The following EPB41 variants were observed in gnomAD, a reference collection of about 807,000 sequenced individuals.
EPB41 encodes the protein erythrocyte membrane protein band 4.1, also known as protein 4.1.
Under a neutral mutation model 108.0 loss-of-function variants are expected in EPB41, and 65 were observed. The observed-to-expected ratio is 0.60, with a 90% CI of 0.49 to 0.74. The LOEUF is 0.74. Ranked by LOEUF, EPB41 falls within the 30% of genes least tolerant of loss-of-function variation. EPB41 has a pLI of 0.00. For missense variants in EPB41, 875 were observed against 1,037.0 expected, an observed-to-expected ratio of 0.84 and a Z score of 2.15; for synonymous variants, 336 against 358.9, an observed-to-expected ratio of 0.94 and a Z score of 0.72.
At chr1:28,959,335 G>A (rs1459000839) in intron 1 of EPB41, among the ~76,000 whole-genome samples, 1 of 148,770 alleles carries the variant, frequency 6.7e-6, no homozygotes, top group Non-Finnish European at 1.5e-5. Flanking sequence ...TCCTGCCTCA[G>A]CCTCCAAAGT....
At chr1:28,935,417 C>A (rs1232180553) in intron 1 of EPB41, among the ~76,000 whole-genome samples, 3 of 88,906 alleles carry the variant, frequency 3.4e-5, no homozygotes, top group Non-Finnish European at 6.8e-5. Context: ...GCCTGGGAGA[C>A]AGAGCAACAT....
At chr1:28,925,726 G>T (rs1419455822) in intron 1 of EPB41, among the ~76,000 whole-genome samples, 2 of 152,156 alleles carry the variant, frequency 1.3e-5, no homozygotes, top group Non-Finnish European at 2.9e-5. Flanking sequence ...AAATGATCTA[G>T]GGAAAAGTAG....
In EPB41 at chr1:29,033,123, G is replaced by T; in HGVS notation, c.1243G>T (p.Val415Phe). 2 of 1,613,928 alleles carry T rather than the reference G, an allele frequency of 1.2e-6. No individual in the cohort carries two copies. The highest frequency in any genetic ancestry group is 1.7e-6 in the Non-Finnish European group (2 of 1,179,904). The change falls in exon 9 of 21, where the codon GTC (valine) becomes TTC (phenylalanine). Residue 415 changes from valine to phenylalanine, a missense_variant. Coordinates refer to ENST00000343067, the MANE Select transcript of EPB41 (RefSeq NM_001376013.1). ...GGAAGGAGTAGATATCATCCTAGGT[G>T]TCTGCTCTAGTGGCCTTCTGGTTTA... ...DLEGVDIILG[V>F]CSSGLLVYKD...
intron 3 of EPB41, among the ~76,000 whole-genome samples, 186 bp downstream of exon 3, chr1:28,993,728 C>T (rs910442561): frequency 1.5e-4 from 22 of 145,004 alleles, no homozygotes; most frequent in African/African-American, 5.7e-4. Flanking sequence ...ATGATCTTGG[C>T]TCACTGTAGC....
chr1:29,027,523 G>T (rs1392475797), intron 7 of EPB41, among the ~76,000 whole-genome samples: 2 of 151,892 alleles, frequency 1.3e-5, no homozygotes, highest in Non-Finnish European at 2.9e-5. Flanking sequence ...TAGAGATGGG[G>T]TTTCTCCATG....
chr1:28,903,326 C>CTTT (rs1288999444), intron 1 of EPB41, among the ~76,000 whole-genome samples: 1 of 137,058 alleles, frequency 7.3e-6, no homozygotes, highest in Non-Finnish European at 1.6e-5. Flanking sequence ...TCTTTTCTTT[C>CTTT]TTTTTTTTTT....
intron 11 of EPB41, among the ~76,000 whole-genome samples, chr1:29,045,807 TA>T (rs201526339): frequency 0.36 from 37,284 of 103,758 alleles, 6,897 homozygotes; most frequent in African/African-American, 0.58. Context: ...ACCCTGTCTC[TA>T]AAAAAAAAAA....
intron 11 of EPB41, 37 bp downstream of exon 11, chr1:29,039,463 A>C: frequency 6.2e-7 from 1 of 1,610,910 alleles, no homozygotes; most frequent in Non-Finnish European, 8.5e-7. Flanking sequence ...TGTGATCATA[A>C]TTCATTTGGA....
At chr1:28,902,743 A>G (rs2091430674) in intron 1 of EPB41, among the ~76,000 whole-genome samples, 1 of 152,048 alleles carries the variant, frequency 6.6e-6, no homozygotes, top group Non-Finnish European at 1.5e-5. Context: ...GATGCTCAAG[A>G]TTATAAGTGG....
chr1:28,952,796 T>C (rs2094787633), intron 1 of EPB41, among the ~76,000 whole-genome samples: 1 of 152,204 alleles, frequency 6.6e-6, no homozygotes, highest in Non-Finnish European at 1.5e-5. Context: ...TTGCTTCTTT[T>C]TGTAAATTTC....
At chr1:28,971,556 A>G (rs1190557102) in intron 1 of EPB41, among the ~76,000 whole-genome samples, 2 of 152,220 alleles carry the variant, frequency 1.3e-5, no homozygotes, top group African/African-American at 2.4e-5. Flanking sequence ...ATTAGCCAAT[A>G]ACAGATTAGA....
At chr1:29,092,506 C>T (rs187112407) in intron 16 of EPB41, among the ~76,000 whole-genome samples, 1 of 152,186 alleles carries the variant, frequency 6.6e-6, no homozygotes, top group Non-Finnish European at 1.5e-5. Flanking sequence ...TGAGCACATG[C>T]AGATGTCACT....
intron 16 of EPB41, chr1:29,069,293 A>G: frequency 8.1e-7 from 1 of 1,231,660 alleles, no homozygotes; most frequent in Non-Finnish European, 1.0e-6. Context: ...TTCCTTTCAT[A>G]GATAACATCT....
rs1671418770 is a variant in EPB41 at position 29,118,927 on chromosome 1, C to G, written c.*2115C>G. On this transcript the variant is annotated 3_prime_UTR_variant, in exon 21 of 21. Coordinates refer to ENST00000343067, the MANE Select transcript of EPB41 (RefSeq NM_001376013.1). ...CCAGATGGCCTGTAGGAAGAGCTAC[C>G]AGGGCTTCCAGACCTGTGGAACGAA... is the stretch of plus-strand genomic sequence containing the variant. 1 of 152,290 alleles carries G rather than the reference C, an allele frequency of 6.6e-6. No homozygotes were observed. Among genetic ancestry groups the G allele is most frequent in the Non-Finnish European group, 1.5e-5 (1 of 68,084 alleles). The allele number at this position is 152,290 out of a possible 1,614,324, so 9.4% of individuals were successfully genotyped here. A position where few individuals can be genotyped will look rare whatever the true frequency, so the allele number is the denominator to read the frequency against.
intron 1 of EPB41, among the ~76,000 whole-genome samples, chr1:28,935,701 A>C (rs1310252494): frequency 6.6e-6 from 1 of 151,844 alleles, no homozygotes; most frequent in Non-Finnish European, 1.5e-5. Flanking sequence ...CAGGCAGACC[A>C]TGCGGTCATG....
At chr1:29,008,814 G>A (rs1185433139) in intron 4 of EPB41, among the ~76,000 whole-genome samples, 1 of 152,152 alleles carries the variant, frequency 6.6e-6, no homozygotes, top group Non-Finnish European at 1.5e-5. Flanking sequence ...TGAACCACAT[G>A]CAGCAACTCA....
intron 8 of EPB41, 99 bp downstream of exon 8, chr1:29,030,586 T>A: frequency 1.1e-6 from 1 of 941,340 alleles, no homozygotes; most frequent in Non-Finnish European, 1.7e-6. Flanking sequence ...TAATACTTTT[T>A]AACAACATCT....
chr1:28,989,627 C>T (rs1476599037), intron 2 of EPB41, among the ~76,000 whole-genome samples: 1 of 152,178 alleles, frequency 6.6e-6, no homozygotes, highest in Non-Finnish European at 1.5e-5. Flanking sequence ...TATAATTGCA[C>T]ACTTGCTGTT....
intron 16 of EPB41, chr1:29,068,932 G>A (rs917799396): frequency 9.7e-6 from 7 of 724,150 alleles, no homozygotes; most frequent in Middle Eastern, 4.4e-4. Flanking sequence ...ACAGCCTTTC[G>A]GCCTAACACA....
Sources: allele counts gnomAD v4.1 joint callset (sites outside exome capture counted in the v4.1 genomes callset), GRCh38; gene constraint gnomAD v4.1.1; transcripts MANE v1.5; gene names NCBI Gene and HGNC (gene_info 2026-07-23, HGNC 2026-07-21).